RALGAPA1: variants seen among roughly 807,000 people sequenced by gnomAD.
RALGAPA1 encodes the protein Ral GTPase activating protein catalytic subunit alpha 1, also known as ral GTPase-activating protein subunit alpha-1.
RALGAPA1 carries 52 observed loss-of-function variants against 269.6 expected under a neutral mutation model. That is an observed-to-expected ratio of 0.19 (90% CI 0.15 to 0.24). The LOEUF (loss-of-function observed/expected upper bound fraction) is 0.24, where lower values mean the gene tolerates loss of function less well. RALGAPA1 is among the 10% of genes least tolerant of loss of function. The pLI, the probability that RALGAPA1 is intolerant of heterozygous loss-of-function variation, is 1.00. For missense variants in RALGAPA1, 1,917 were observed against 3,013.9 expected, an observed-to-expected ratio of 0.64 and a Z score of 8.52; for synonymous variants, 817 against 1,008.3, an observed-to-expected ratio of 0.81 and a Z score of 3.60.
intron 39 of RALGAPA1, among the ~76,000 whole-genome samples, chr14:35,550,141 T>C (rs1594523571): frequency 1.3e-5 from 2 of 152,324 alleles, no homozygotes; most frequent in South Asian, 4.1e-4. Flanking sequence ...AATATTTCTG[T>C]TGTTCACGAA....
chr14:35,620,935 C>T (rs566058524), intron 35 of RALGAPA1, among the ~76,000 whole-genome samples: 8 of 152,228 alleles, frequency 5.3e-5, no homozygotes, highest in Middle Eastern at 3.4e-3. Flanking sequence ...GGCCATACTG[C>T]CCAAGGTAAT....
intron 37 of RALGAPA1, among the ~76,000 whole-genome samples, chr14:35,594,627 C>T (rs2058822849): frequency 6.7e-6 from 1 of 148,650 alleles, no homozygotes; most frequent in South Asian, 2.1e-4. Flanking sequence ...ATGCTATTGC[C>T]AAAAAGGTAA....
intron 1 of RALGAPA1, among the ~76,000 whole-genome samples, chr14:35,791,296 A>G (rs1056087857): frequency 2.0e-5 from 3 of 152,208 alleles, no homozygotes; most frequent in Non-Finnish European, 2.9e-5. Context: ...CATATGCAAC[A>G]TATGTCTTTC....
chr14:35,600,232 C>CTT (rs71124708), intron 36 of RALGAPA1, among the ~76,000 whole-genome samples: 36 of 86,930 alleles, frequency 4.1e-4, no homozygotes, highest in South Asian at 7.5e-4. Flanking sequence ...TTCTTTTTTT[C>CTT]TTTTTTTTTT....
At chr14:35,651,113 T>C (rs1190431055) in intron 31 of RALGAPA1, among the ~76,000 whole-genome samples, 1 of 152,066 alleles carries the variant, frequency 6.6e-6, no homozygotes, top group East Asian at 1.9e-4. Context: ...ATGAAACTCA[T>C]AGTCAAAAGA....
chr14:35,553,832 A>C (rs2055265278), intron 39 of RALGAPA1, among the ~76,000 whole-genome samples: 1 of 152,186 alleles, frequency 6.6e-6, no homozygotes, highest in Non-Finnish European at 1.5e-5. Flanking sequence ...CGATTGGCTC[A>C]TTTTAAAATA....
chr14:35,804,799 G>A (rs867013947), intron 1 of RALGAPA1, among the ~76,000 whole-genome samples: 2 of 151,196 alleles, frequency 1.3e-5, no homozygotes, highest in South Asian at 4.2e-4. Flanking sequence ...GGCCATACAC[G>A]GTGGTGCATG....
At position 35,748,610 on chromosome 14, in the gene RALGAPA1, T is replaced by C. The variant is rs368181746; in HGVS notation, c.1226A>G (p.Asn409Ser). The C allele has an allele frequency of 7.5e-6, 12 of 1,608,486 alleles. No homozygotes were observed. The African/African-American group carries it at 1.1e-4, about 14-fold the overall frequency. ...RVFSSKRSNVNFVTEIFRQAF... is the reference protein window; with the variant it reads ...RVFSSKRSNVSFVTEIFRQAF... ...CTGACGAAATATCTCTGTCACAAAG[T>C]TTACATTACTCCTTTTAGAAGAAAA... The change falls in exon 10 of 42, where the codon AAC becomes AGC. Residue 409 changes from asparagine (N) to serine (S), a missense_variant. Asn to Ser is a conservative substitution (Grantham distance 46). This residue lies in a region of RALGAPA1 where 462 missense variants were observed against 725.6 expected (regional missense o/e 0.64). Coordinates refer to ENST00000680220, the MANE Select transcript of RALGAPA1 (RefSeq NM_001346249.2).
chr14:35,659,129 C>A lies in RALGAPA1; in HGVS notation c.5387+9G>T. ...ATAGTTATACTCAGTCTAAGAATAT[C>A]CGACCTACCGTGCAGGACCAGAGGG... On this transcript the variant is annotated intron_variant, in intron 28 of 41. Transcript: ENST00000680220. 1 of 1,595,542 alleles carries A rather than the reference C, an allele frequency of 6.3e-7. No individual in the cohort carries two copies. The highest frequency in any genetic ancestry group is 1.7e-4 in the Middle Eastern group (1 of 5,988).
Position 35,672,927 on chromosome 14 carries a change from A to C in RALGAPA1, c.5013T>G (p.Asn1671Lys). The change falls in exon 25 of 42, where the codon AAT becomes AAG. Residue 1671 changes from asparagine (N) to lysine (K), a missense_variant. By Grantham distance (94) the Asn-to-Lys change is moderately conservative. Coordinates refer to ENST00000680220, the MANE Select transcript of RALGAPA1 (RefSeq NM_001346249.2). ...TGTAGAAATGTGTTAGAAAATCTCT[A>C]TTTGGAGAAACATCTTGTCTTCTTT... Reference protein sequence around the residue: ...TMKRRQDVSPNRDFLTHFYNI... With the variant: ...TMKRRQDVSPKRDFLTHFYNI... 2 of 1,573,602 alleles carry C rather than the reference A, an allele frequency of 1.3e-6. No homozygotes were observed. Among genetic ancestry groups the C allele is most frequent in the Non-Finnish European group, 8.6e-7 (1 of 1,160,476 alleles).
At chr14:35,685,850 GCACTGCACTCCA>G (rs2065879873) in intron 19 of RALGAPA1, among the ~76,000 whole-genome samples, 1 of 152,104 alleles carries the variant, frequency 6.6e-6, no homozygotes, top group Non-Finnish European at 1.5e-5. Flanking sequence ...GCTGCAGTGA[GCACTGCACTCCA>G]CCCTGGGCGA....
Position 35,784,494 on chromosome 14 carries a change from T to C in RALGAPA1, c.107-8749A>G, listed in dbSNP as rs1595545559. On this transcript the variant is annotated intron_variant, in intron 1 of 41. Transcript: ENST00000680220. ...GAAATGGGGAGTGATTGCTAAAAGGTATGAGTTTCCGTTTCTTTTCCTTTT... is the reference window on the plus strand; with the variant it reads ...GAAATGGGGAGTGATTGCTAAAAGGCATGAGTTTCCGTTTCTTTTCCTTTT... 1.3e-5 allele frequency among the ~76,000 whole-genome samples: 2 copies of C among 152,062 alleles called. 1 individual carries two copies. Among genetic ancestry groups the C allele is most frequent in the South Asian group, 4.1e-4 (2 of 4,830 alleles).
In RALGAPA1 at chr14:35,770,993, A is replaced by G; in HGVS notation, c.274T>C (p.Leu92=). Residue 92 remains leucine (L), a synonymous_variant, in exon 4 of 42, where the codon TTA becomes CTA. Coordinates refer to ENST00000680220, the MANE Select transcript of RALGAPA1 (RefSeq NM_001346249.2). ...DAILFIFEKI[L]QLLPERIHQR... is the part of the protein sequence containing the mutation. ...TGAATTCTTTCTGGAAGAAGTTGTA[A>G]AATTTTCTAAAAATCAATATAAAGA... The G allele has an allele frequency of 7.4e-7, 1 of 1,357,128 alleles. No individual in the cohort carries two copies. The highest frequency in any genetic ancestry group is 1.0e-6 in the Non-Finnish European group (1 of 975,458). The allele number at this position is 1,357,128 out of a possible 1,614,324, so 84.1% of individuals were successfully genotyped here. A position where few individuals can be genotyped will look rare whatever the true frequency, so the allele number is the denominator to read the frequency against.
intron 1 of RALGAPA1, among the ~76,000 whole-genome samples, chr14:35,784,570 T>C (rs945240221): frequency 6.6e-6 from 1 of 152,200 alleles, no homozygotes. Flanking sequence ...CTTGACATCC[T>C]AATTTGTGAG....
intron 35 of RALGAPA1, among the ~76,000 whole-genome samples, chr14:35,610,444 G>A (rs540494608): frequency 1.3e-5 from 2 of 152,012 alleles, no homozygotes; most frequent in African/African-American, 4.8e-5. Flanking sequence ...CACCACGCCC[G>A]GCTAATTTTT....
intron 33 of RALGAPA1, among the ~76,000 whole-genome samples, chr14:35,632,383 T>C (rs914717851): frequency 1.3e-5 from 2 of 152,168 alleles, no homozygotes; most frequent in African/African-American, 4.8e-5. Flanking sequence ...TTCAGGGTTG[T>C]CTCTTCAGAT....
At chr14:35,729,350 TAAG>T (rs2070256914) in intron 12 of RALGAPA1, among the ~76,000 whole-genome samples, 1 of 151,654 alleles carries the variant, frequency 6.6e-6, no homozygotes, top group South Asian at 2.1e-4. Context: ...TTTAGCAAAC[TAAG>T]AAAAAAGCAC....
At chr14:35,586,059 C>CA (rs1259186190) in intron 37 of RALGAPA1, among the ~76,000 whole-genome samples, 1 of 152,164 alleles carries the variant, frequency 6.6e-6, no homozygotes, top group Non-Finnish European at 1.5e-5. Flanking sequence ...GCCATTTTCA[C>CA]AATACTGATT....
chr14:35,640,919 T>C (rs546308294), intron 31 of RALGAPA1, among the ~76,000 whole-genome samples: 1 of 151,794 alleles, frequency 6.6e-6, no homozygotes, highest in Non-Finnish European at 1.5e-5. Flanking sequence ...TCAAGGATGA[T>C]TCAACATACA....
Sources: allele counts gnomAD v4.1 joint callset (sites outside exome capture counted in the v4.1 genomes callset), GRCh38; gene constraint gnomAD v4.1.1; regional missense constraint gnomAD v4.1.1; transcripts MANE v1.5; gene names NCBI Gene and HGNC (gene_info 2026-07-23, HGNC 2026-07-21).